Variants in PPP1R14C observed in about 807,000 individuals in gnomAD.
PPP1R14C encodes protein phosphatase 1 regulatory inhibitor subunit 14C.
PPP1R14C carries 16 observed loss-of-function variants against 20.4 expected under a neutral mutation model. That is an observed-to-expected ratio of 0.78 (90% confidence interval 0.53 to 1.19). The LOEUF (loss-of-function observed/expected upper bound fraction) is 1.19, where lower values mean the gene tolerates loss of function less well. Ranked by LOEUF, PPP1R14C falls within the 50% of genes most tolerant of loss-of-function variation. PPP1R14C has a pLI of 0.00. For synonymous variants in PPP1R14C, 91 were observed against 91.0 expected (o/e 1.00, Z 0.00); for missense variants, 211 against 220.1 (o/e 0.96, Z 0.26).
At chr6:150,191,641 T>C (rs1777747775) in intron 1 of PPP1R14C, among the ~76,000 whole-genome samples, 2 of 152,226 alleles carry the variant, frequency 1.3e-5, no homozygotes. Flanking sequence ...TGGGGAAATA[T>C]TCTGGTCTCA....
Position 150,248,842 on chromosome 6 carries a change from TC to T in PPP1R14C, c.*25del. On this transcript the variant is annotated 3_prime_UTR_variant, in exon 4 of 4. Transcript: ENST00000361131. ...ATGATTCTGGAACAGGGTGAAACTC[TC>T]CCAGAGACGAAGAAAGAGTCCTGGG... 6 of 1,547,386 alleles carry T rather than the reference TC, an allele frequency of 3.9e-6. No individual in the cohort carries two copies. Among genetic ancestry groups the T allele is most frequent in the African/African-American group, 2.7e-5 (2 of 73,478 alleles).
intron 1 of PPP1R14C, among the ~76,000 whole-genome samples, chr6:150,167,367 C>CG (rs779805531): frequency 1.1e-4 from 16 of 151,616 alleles, no homozygotes; most frequent in East Asian, 5.8e-4. Context: ...GACTCCGTCT[C>CG]GGGGGGGAAA....
chr6:150,167,665 G>A (rs1439951094), intron 1 of PPP1R14C, among the ~76,000 whole-genome samples: 3 of 152,030 alleles, frequency 2.0e-5, no homozygotes, highest in East Asian at 3.9e-4. Context: ...TAAAAAGCTC[G>A]GAAGACCAGA....
chr6:150,167,186 G>GT (rs1777431675), intron 1 of PPP1R14C, among the ~76,000 whole-genome samples: 2 of 152,098 alleles, frequency 1.3e-5, no homozygotes, highest in Admixed American at 6.5e-5. Flanking sequence ...GGCCAACATG[G>GT]CAAACCCCAT....
chr6:150,144,462 T>TG (rs1777160430), intron 1 of PPP1R14C, among the ~76,000 whole-genome samples: 1 of 152,250 alleles, frequency 6.6e-6, no homozygotes, highest in African/African-American at 2.4e-5. Flanking sequence ...CTAAATGAAG[T>TG]GACCTCCTCT....
At chr6:150,215,793 G>A (rs967246417) in intron 2 of PPP1R14C, among the ~76,000 whole-genome samples, 5 of 152,006 alleles carry the variant, frequency 3.3e-5, no homozygotes, top group South Asian at 2.1e-4. Flanking sequence ...TCATCACCCC[G>A]CACCCCCCAG....
intron 1 of PPP1R14C, among the ~76,000 whole-genome samples, chr6:150,172,275 A>G (rs981621245): frequency 2.0e-5 from 3 of 152,308 alleles, no homozygotes; most frequent in Middle Eastern, 3.4e-3. Flanking sequence ...CTAATGGTTA[A>G]AGTCACTCTA....
At chr6:150,203,877 G>C (rs1777909470) in intron 1 of PPP1R14C, among the ~76,000 whole-genome samples, 1 of 152,220 alleles carries the variant, frequency 6.6e-6, no homozygotes, top group South Asian at 2.1e-4. Context: ...GCAAGACGTA[G>C]ACAGGTGTGA....
chr6:150,211,913 G>A (rs1562270885), intron 1 of PPP1R14C, among the ~76,000 whole-genome samples: 1 of 152,236 alleles, frequency 6.6e-6, no homozygotes. Flanking sequence ...CCTAATGGCT[G>A]TTAACGATGA....
At chr6:150,223,610 C>G (rs1323660968) in intron 3 of PPP1R14C, among the ~76,000 whole-genome samples, 2 of 152,056 alleles carry the variant, frequency 1.3e-5, no homozygotes, top group Non-Finnish European at 2.9e-5. Flanking sequence ...TTTGGAGAAA[C>G]TTTTCATATG....
intron 1 of PPP1R14C, among the ~76,000 whole-genome samples, chr6:150,146,797 C>T (rs1444749691): frequency 6.6e-6 from 1 of 152,126 alleles, no homozygotes; most frequent in African/African-American, 2.4e-5. Flanking sequence ...AGTGGAGGGG[C>T]ACTGGTTCTG....
intron 1 of PPP1R14C, among the ~76,000 whole-genome samples, chr6:150,160,715 G>A (rs144521282): frequency 1.3e-5 from 2 of 151,896 alleles, no homozygotes; most frequent in African/African-American, 4.8e-5. Context: ...TATGGTTCAC[G>A]TATATTTATT....
chr6:150,188,324 T>A (rs1777700188), intron 1 of PPP1R14C, among the ~76,000 whole-genome samples: 1 of 152,200 alleles, frequency 6.6e-6, no homozygotes, highest in Non-Finnish European at 1.5e-5. Flanking sequence ...ATCAGACAAA[T>A]GTTTATACAA....
chr6:150,199,280 C>A (rs183790203), intron 1 of PPP1R14C, among the ~76,000 whole-genome samples: 12 of 152,272 alleles, frequency 7.9e-5, no homozygotes, highest in Admixed American at 4.6e-4. Flanking sequence ...GGCTATCATT[C>A]GAATGTGTCC....
Position 150,143,282 on chromosome 6 carries a change from C to G in PPP1R14C, c.90C>G (p.Ala30=), listed in dbSNP as rs749067478. 29 of 1,538,330 alleles carry G rather than the reference C, an allele frequency of 1.9e-5. No individual in the cohort carries two copies. The highest frequency in any genetic ancestry group is 2.4e-5 in the Non-Finnish European group (28 of 1,150,186). ...TCTTCCAAAGCCCCCGGGGTGGCGCCGGTGGCAGCCCCGGCTCCAGCAGCG... is the reference window on the plus strand; with the variant it reads ...TCTTCCAAAGCCCCCGGGGTGGCGCGGGTGGCAGCCCCGGCTCCAGCAGCG... ...RVFFQSPRGG[A]GGSPGSSSGS... The change falls in exon 1 of 4, where the codon GCC becomes GCG. Residue 30 remains alanine (A), a synonymous_variant. Transcript: ENST00000361131. This position sits in a 1 kb window ranked among gnomAD's most constrained non-coding sequence, Gnocchi z 5.6.
chr6:150,166,972 T>C (rs1247807824), intron 1 of PPP1R14C, among the ~76,000 whole-genome samples: 1 of 152,208 alleles, frequency 6.6e-6, no homozygotes, highest in Non-Finnish European at 1.5e-5. Flanking sequence ...GGCTCACGTC[T>C]GTAATCCTAG....
intron 3 of PPP1R14C, among the ~76,000 whole-genome samples, chr6:150,233,214 G>C (rs935482818): frequency 3.9e-5 from 6 of 152,206 alleles, no homozygotes; most frequent in African/African-American, 1.4e-4. Context: ...TCAGCAGGTG[G>C]TGGGTGGGAG....
intron 1 of PPP1R14C, among the ~76,000 whole-genome samples, chr6:150,211,113 G>A (rs76148429): frequency 0.011 from 1,703 of 152,304 alleles, 28 homozygotes; most frequent in African/African-American, 0.039. Context: ...TGCCCCTGGC[G>A]GAGTTTTCTC....
chr6:150,224,993 G>T (rs55665389), intron 3 of PPP1R14C, among the ~76,000 whole-genome samples: 1 of 151,786 alleles, frequency 6.6e-6, no homozygotes, highest in Non-Finnish European at 1.5e-5. Flanking sequence ...CTTCTCGGTC[G>T]CCCCCATGCC....
Sources: allele counts gnomAD v4.1 joint callset (sites outside exome capture counted in the v4.1 genomes callset), GRCh38; gene constraint gnomAD v4.1.1; non-coding constraint Gnocchi (gnomAD v3.1); transcripts MANE v1.5; gene names NCBI Gene and HGNC (gene_info 2026-07-23, HGNC 2026-07-21).